The following CNTNAP2 variants were observed in gnomAD, a reference collection of about 807,000 sequenced individuals.
The protein encoded by CNTNAP2 is contactin associated protein 2, also known as contactin-associated protein-like 2.
CNTNAP2 carries 98 observed loss-of-function variants against 155.2 expected under a neutral mutation model. The observed-to-expected ratio is 0.63, with a 90% CI of 0.54 to 0.75. CNTNAP2 has a LOEUF of 0.75. Ranked by LOEUF, CNTNAP2 falls within the 30% of genes least tolerant of loss-of-function variation. The probability of loss-of-function intolerance (pLI) is 0.00; values close to 1 mark genes in which losing one functional copy is unlikely to be tolerated. For missense variants in CNTNAP2, 1,727 were observed against 1,688.1 expected, an observed-to-expected ratio of 1.02 and a Z score of -0.40; for synonymous variants, 651 against 631.2, an observed-to-expected ratio of 1.03 and a Z score of -0.47.
At chr7:147,302,676 T>G (rs1794965645) in intron 9 of CNTNAP2, among the ~76,000 whole-genome samples, 4 of 152,350 alleles carry the variant, frequency 2.6e-5, no homozygotes, top group Middle Eastern at 6.8e-3. Flanking sequence ...AAACACAGTC[T>G]GAGAAACAGA....
rs138408614 is a variant in CNTNAP2 at position 147,345,345 on chromosome 7, G to A, written c.1498+45055G>A. On this transcript the variant is annotated intron_variant, in intron 9 of 23. Transcript: ENST00000361727. ...TAAAACTTTATAACTTTATGTAAAA[G>A]CTTACATAAATTCCCTTTGCTGTTA... 6.6e-5 allele frequency among the ~76,000 whole-genome samples: 10 copies of A among 152,204 alleles called. No homozygotes were observed. The East Asian group carries it at 1.9e-3, about 29-fold the overall frequency.
chr7:146,721,818 ATGTAGAC>A (rs1801333787), intron 1 of CNTNAP2, among the ~76,000 whole-genome samples: 1 of 122,332 alleles, frequency 8.2e-6, no homozygotes, highest in African/African-American at 3.8e-5. Context: ...TAGTCTATAT[ATGTAGAC>A]TATATATAGT....
chr7:148,343,973 G>A (rs1320970626), intron 21 of CNTNAP2, among the ~76,000 whole-genome samples: 1 of 152,208 alleles, frequency 6.6e-6, no homozygotes, highest in East Asian at 1.9e-4. Flanking sequence ...GCCAGCAACT[G>A]CATGTAGCCT....
intron 18 of CNTNAP2, among the ~76,000 whole-genome samples, chr7:148,216,141 A>T (rs1038957745): frequency 5.3e-5 from 8 of 152,188 alleles, no homozygotes; most frequent in African/African-American, 1.9e-4. Flanking sequence ...AGTGATTTAG[A>T]ACATTGCTGA....
At chr7:148,044,411 T>G (rs1471113097) in intron 15 of CNTNAP2, among the ~76,000 whole-genome samples, 1 of 152,208 alleles carries the variant, frequency 6.6e-6, no homozygotes, top group African/African-American at 2.4e-5. Flanking sequence ...CAGATGGCCT[T>G]GTGGCGTGCT....
intron 1 of CNTNAP2, among the ~76,000 whole-genome samples, chr7:146,170,509 TA>T (rs1249895120): frequency 7.3e-6 from 1 of 136,796 alleles, no homozygotes; most frequent in Non-Finnish European, 1.6e-5. Context: ...TGAATATCAC[TA>T]GTTTTTTTTT....
At chr7:147,252,362 A>G (rs971010983) in intron 8 of CNTNAP2, among the ~76,000 whole-genome samples, 16 of 152,134 alleles carry the variant, frequency 1.1e-4, no homozygotes, top group African/African-American at 3.9e-4. Flanking sequence ...AATTCTAATT[A>G]TTTTCAGGAA....
At chr7:147,529,000 T>C (rs553445966) in intron 11 of CNTNAP2, among the ~76,000 whole-genome samples, 1 of 152,250 alleles carries the variant, frequency 6.6e-6, no homozygotes, top group South Asian at 2.1e-4. Context: ...TCATGGCAAG[T>C]GGAATAATGT....
chr7:146,572,202 T>C (rs199713818), intron 1 of CNTNAP2, among the ~76,000 whole-genome samples: 2 of 151,926 alleles, frequency 1.3e-5, no homozygotes, highest in East Asian at 1.9e-4. Flanking sequence ...TCTAGACCTC[T>C]TAACCTAGAG....
At chr7:147,752,653 C>A (rs924814507) in intron 13 of CNTNAP2, among the ~76,000 whole-genome samples, 3 of 152,116 alleles carry the variant, frequency 2.0e-5, no homozygotes, top group Admixed American at 6.5e-5. Context: ...TTGTGGCAGG[C>A]TGCTTTGTAA....
intron 3 of CNTNAP2, among the ~76,000 whole-genome samples, chr7:147,034,777 C>T (rs1014164709): frequency 1.3e-5 from 2 of 152,130 alleles, no homozygotes; most frequent in Non-Finnish European, 2.9e-5. Context: ...TCCAGCGTCC[C>T]TTGGCTGAAT....
At position 147,754,689 on chromosome 7, in the gene CNTNAP2, T is replaced by C. The variant is rs537519157; in HGVS notation, c.2098+115383T>C. On this transcript the variant is annotated intron_variant, in intron 13 of 23. Transcript: ENST00000361727. The stretch of plus-strand genomic sequence containing the variant: ...TTAGTAAAAGAAATAATGCATTGTA[T>C]TACATAAGAAAAAAAATTTTAATTC... Among the ~76,000 whole-genome samples the C allele has an allele frequency of 3.9e-5, 6 of 152,202 alleles. No individual in the cohort carries two copies. In the South Asian group the frequency reaches 1.0e-3, roughly 26 times the overall value.
At chr7:147,250,542 A>AC (rs371818969) in intron 8 of CNTNAP2, among the ~76,000 whole-genome samples, 28 of 91,048 alleles carry the variant, frequency 3.1e-4, no homozygotes, top group African/African-American at 8.0e-4. Flanking sequence ...AGCACCCCCC[A>AC]CCCCCCCATC....
intron 15 of CNTNAP2, among the ~76,000 whole-genome samples, chr7:148,102,611 T>C (rs980415173): frequency 6.6e-6 from 1 of 152,242 alleles, no homozygotes; most frequent in Non-Finnish European, 1.5e-5. Context: ...AATAACTTAT[T>C]TAATATTTGA....
At chr7:147,441,846 T>TCC (rs1225846097) in intron 10 of CNTNAP2, among the ~76,000 whole-genome samples, 1,300 of 117,132 alleles carry the variant, frequency 0.011, 36 homozygotes, top group African/African-American at 0.037. Context: ...TCTCTCTCTC[T>TCC]CTCTCCCTCC....
intron 18 of CNTNAP2, among the ~76,000 whole-genome samples, chr7:148,186,974 C>T (rs1795125251): frequency 6.6e-6 from 1 of 152,142 alleles, no homozygotes; most frequent in African/African-American, 2.4e-5. Flanking sequence ...ACACAGCTTG[C>T]CCTGTGTGTC....
At chr7:148,063,838 T>C (rs1003853725) in intron 15 of CNTNAP2, among the ~76,000 whole-genome samples, 2 of 152,158 alleles carry the variant, frequency 1.3e-5, no homozygotes, top group African/African-American at 4.8e-5. Context: ...TCTGATGTTA[T>C]CCTCTAGAAT....
intron 2 of CNTNAP2, among the ~76,000 whole-genome samples, chr7:146,826,109 CAGATGGCATGG>C (rs1169922640): frequency 2.0e-5 from 3 of 152,084 alleles, no homozygotes; most frequent in African/African-American, 7.2e-5. Flanking sequence ...GTCCCTGAGG[CAGATGGCATGG>C]AGATGTTATT....
chr7:147,129,969 G>A (rs1433108469), intron 7 of CNTNAP2, among the ~76,000 whole-genome samples: 2 of 152,188 alleles, frequency 1.3e-5, no homozygotes, highest in Non-Finnish European at 2.9e-5. Context: ...TATTGTGCTA[G>A]GCAAGTCGTA....
Sources: allele counts gnomAD v4.1 joint callset (sites outside exome capture counted in the v4.1 genomes callset), GRCh38; gene constraint gnomAD v4.1.1; transcripts MANE v1.5; gene names NCBI Gene and HGNC (gene_info 2026-07-23, HGNC 2026-07-21).